INTU: variants seen among roughly 807,000 people sequenced by gnomAD.
INTU encodes the protein protein inturned.
Under a neutral mutation model 100.5 loss-of-function variants are expected in INTU, and 68 were observed. That is an observed-to-expected ratio of 0.68 (90% CI 0.56 to 0.83). The LOEUF is 0.83. INTU is among the 40% of genes least tolerant of loss of function. The pLI is 0.00. For missense variants in INTU, 1,071 were observed against 1,114.7 expected, an observed-to-expected ratio of 0.96 and a Z score of 0.56; for synonymous variants, 357 against 395.7, an observed-to-expected ratio of 0.90 and a Z score of 1.16.
intron 2 of INTU, among the ~76,000 whole-genome samples, chr4:127,655,831 G>A (rs544796989): frequency 0.012 from 1,763 of 152,266 alleles, 21 homozygotes; most frequent in African/African-American, 0.034. Context: ...CCTCGCTGCC[G>A]CCTTGCAGTT....
intron 6 of INTU, among the ~76,000 whole-genome samples, chr4:127,676,418 T>C (rs1216868461): frequency 6.6e-6 from 1 of 151,974 alleles, no homozygotes; most frequent in Admixed American, 6.6e-5. Flanking sequence ...AAACCCCGTC[T>C]CTTCAGCAAA....
chr4:127,655,482 G>A (rs1228421148), intron 2 of INTU, among the ~76,000 whole-genome samples: 13 of 151,068 alleles, frequency 8.6e-5, no homozygotes, highest in South Asian at 2.1e-4. Context: ...ATACCCTGCC[G>A]TGTGAGGTGT....
At chr4:127,667,603 T>A (rs748440554) in intron 4 of INTU, among the ~76,000 whole-genome samples, 63 of 151,938 alleles carry the variant, frequency 4.1e-4, no homozygotes, top group South Asian at 1.7e-3. Flanking sequence ...AGTATATGGG[T>A]TTTTTTTGTT....
rs145140955 is a variant in INTU, at chr4:127,640,104, A to G, written c.147-3417A>G. Among the ~76,000 whole-genome samples the G allele has an allele frequency of 3.3e-3, 503 of 152,282 alleles. 1 individual carries two copies. Among genetic ancestry groups the G allele is most frequent in the Non-Finnish European group, 5.6e-3 (384 of 68,014 alleles). ...CCAGTTAGAAAAATACAGAAACACA[A>G]GAGTTATATCTAGTAAAAGCAAGAG... On this transcript the variant is annotated intron_variant, in intron 1 of 15. Coordinates refer to ENST00000335251, the MANE Select transcript of INTU (RefSeq NM_015693.4).
Position 127,674,243 on chromosome 4 carries a change from C to T in INTU, c.1181+30C>T, listed in dbSNP as rs1206349024. Reference sequence around the variant, plus strand: ...GTTGAGGTTTTGCTTACCTTAAAATCATTTCCAAATAATGTTAACTTTTGT... The same window carrying T: ...GTTGAGGTTTTGCTTACCTTAAAATTATTTCCAAATAATGTTAACTTTTGT... On this transcript the variant is annotated intron_variant, in intron 6 of 15. Coordinates refer to ENST00000335251, the MANE Select transcript of INTU (RefSeq NM_015693.4). 4.1e-6 allele frequency: 6 copies of T among 1,467,146 alleles called. No individual in the cohort carries two copies. The South Asian group carries it at 6.1e-5, about 15-fold the overall frequency. The allele number at this position is 1,467,146 out of a possible 1,614,324, so 90.9% of individuals were successfully genotyped here.
At chr4:127,689,766 G>A (rs1246910041) in intron 8 of INTU, among the ~76,000 whole-genome samples, 1 of 151,856 alleles carries the variant, frequency 6.6e-6, no homozygotes, top group African/African-American at 2.4e-5. Flanking sequence ...AAGAGGCAAG[G>A]GAAGGGAAGG....
At position 127,643,689 on chromosome 4, in the gene INTU, A is replaced by G. The variant is rs769969048; in HGVS notation, c.315A>G (p.Lys105=). Reference sequence around the variant, plus strand: ...TTGAAGATGACTACAAAGAAAGAAAAAAGTATGAACCCAAACTCAAGCAGT... The same window carrying G: ...TTGAAGATGACTACAAAGAAAGAAAGAAGTATGAACCCAAACTCAAGCAGT... ...IIIEDDYKER[K]KYEPKLKQFT... The change falls in exon 2 of 16, where the codon AAA becomes AAG. Residue 105 remains lysine, a synonymous_variant. Coordinates refer to ENST00000335251, the MANE Select transcript of INTU (RefSeq NM_015693.4). The G allele has an allele frequency of 1.7e-5, 27 of 1,612,810 alleles. No individual in the cohort carries two copies. The highest frequency in any genetic ancestry group is 2.0e-5 in the Non-Finnish European group (24 of 1,179,798).
chr4:127,652,960 A>G (rs201426492), intron 2 of INTU, among the ~76,000 whole-genome samples: 2,894 of 142,894 alleles, frequency 0.02, 37 homozygotes, highest in East Asian at 0.12. Flanking sequence ...GAGAGTGTAT[A>G]TGTCGAGGAA....
chr4:127,674,311 G>C, intron 6 of INTU, 98 bp downstream of exon 6: 2 of 926,694 alleles, frequency 2.2e-6, no homozygotes, highest in East Asian at 2.6e-5. Context: ...CAAACTCCTT[G>C]AACAGTTTTA....
At chr4:127,671,802 T>C (rs548075378) in intron 5 of INTU, among the ~76,000 whole-genome samples, 8 of 151,958 alleles carry the variant, frequency 5.3e-5, no homozygotes, top group Admixed American at 5.2e-4. Flanking sequence ...ATGGAGTAAA[T>C]TAAATAAATA....
chr4:127,681,827 T>C (rs1051328630), intron 6 of INTU, among the ~76,000 whole-genome samples: 16 of 151,910 alleles, frequency 1.1e-4, no homozygotes, highest in Middle Eastern at 6.8e-3. Context: ...ACCTACAAAA[T>C]GGGAGAAAAT....
chr4:127,641,241 C>T (rs11098931), intron 1 of INTU, among the ~76,000 whole-genome samples: 69,807 of 151,952 alleles, frequency 0.46, 16,375 homozygotes, highest in South Asian at 0.63. Context: ...ATATCTAACA[C>T]GTAAACTCTC....
At position 127,716,454 on chromosome 4, in the gene INTU, G is replaced by T. The variant is rs200544451; in HGVS notation, c.*18G>T. The stretch of plus-strand genomic sequence containing the variant: ...CCTTGTAGCTGTGCTTTCTTGATGC[G>T]TAGAAACACGTGCATGGAGGATCAA... On this transcript the variant is annotated 3_prime_UTR_variant, in exon 16 of 16. Coordinates refer to ENST00000335251, the MANE Select transcript of INTU (RefSeq NM_015693.4). The T allele has an allele frequency of 6.8e-6, 8 of 1,182,892 alleles. No homozygotes were observed. The African/African-American group carries it at 9.1e-5, about 13-fold the overall frequency. The allele number at this position is 1,182,892 out of a possible 1,614,324, so 73.3% of individuals were successfully genotyped here.
intron 2 of INTU, among the ~76,000 whole-genome samples, chr4:127,653,345 T>C (rs2126188664): frequency 7.2e-6 from 1 of 138,380 alleles, no homozygotes; most frequent in East Asian, 2.1e-4. Flanking sequence ...TCCTGCTTTC[T>C]CTTGTGGGCA....
Position 127,653,033 on chromosome 4 carries a change from T to C in INTU, c.683-3603T>C, listed in dbSNP as rs935260796. Among the ~76,000 whole-genome samples, 645 of 151,650 alleles carry C rather than the reference T, an allele frequency of 4.3e-3. 7 individuals carry two copies. Among genetic ancestry groups the C allele is most frequent in the African/African-American group, 0.015 (608 of 41,002 alleles). On this transcript the variant is annotated intron_variant, in intron 2 of 15. Transcript: ENST00000335251. Reference sequence around the variant, plus strand: ...TAGAGGTGTTTGTAGTATTCTCTGATGGTAGTTTGTATTTCTGTGGAATCG... The same window carrying C: ...TAGAGGTGTTTGTAGTATTCTCTGACGGTAGTTTGTATTTCTGTGGAATCG...
intron 7 of INTU, 62 bp downstream of exon 7, chr4:127,684,548 A>T: frequency 1.1e-6 from 1 of 932,766 alleles, no homozygotes; most frequent in Non-Finnish European, 1.7e-6. Context: ...CATCTTCTGC[A>T]TTTAAGACCA....
intron 11 of INTU, 114 bp from the exon 12 acceptor site, chr4:127,706,373 C>T: frequency 1.2e-6 from 1 of 832,242 alleles, no homozygotes; most frequent in Non-Finnish European, 1.8e-6. Flanking sequence ...ATAATCATCA[C>T]ATGATTATGC....
intron 6 of INTU, among the ~76,000 whole-genome samples, chr4:127,679,192 A>T (rs577910247): frequency 6.6e-6 from 1 of 151,552 alleles, no homozygotes; most frequent in Non-Finnish European, 1.5e-5. Context: ...TAGACAGATC[A>T]ATGAGACAGA....
At chr4:127,675,959 T>G in intron 6 of INTU, 1 of 294,090 alleles carries the variant, frequency 3.4e-6, no homozygotes, top group Non-Finnish European at 7.4e-6. Flanking sequence ...AAGCCTCACT[T>G]CTTGAGGGGA....
Sources: gnomAD v4.1 joint callset for allele counts (sites outside exome capture counted in the v4.1 genomes callset) on GRCh38, gnomAD v4.1.1 for gene constraint, MANE v1.5 for transcripts, NCBI Gene and HGNC (gene_info 2026-07-23, HGNC 2026-07-21) for gene names.